KCNMA1: variants seen among roughly 807,000 people sequenced by gnomAD.
KCNMA1 encodes the protein Calcium-activated potassium channel subunit alpha-1.
In KCNMA1, 29 loss-of-function variants were observed where a neutral mutation model predicts 140.0. The observed-to-expected ratio is 0.21, with a 90% CI of 0.15 to 0.28. The LOEUF (loss-of-function observed/expected upper bound fraction) is 0.28, where lower values mean the gene tolerates loss of function less well. Among genes scored for constraint, KCNMA1 ranks in the 10% least tolerant of loss-of-function variants. The pLI, the probability that KCNMA1 is intolerant of heterozygous loss-of-function variation, is 1.00. For missense variants in KCNMA1, 880 were observed against 1,602.2 expected, an observed-to-expected ratio of 0.55 and a Z score of 7.70; for synonymous variants, 612 against 611.9, an observed-to-expected ratio of 1.00 and a Z score of 0.00.
chr10:77,571,901 A>G (rs966042753), intron 1 of KCNMA1, among the ~76,000 whole-genome samples: 2 of 152,214 alleles, frequency 1.3e-5, no homozygotes, highest in Non-Finnish European at 2.9e-5. Context: ...TAAGCTTTCA[A>G]AACTTTGAAA....
At chr10:77,531,676 A>T (rs1191881690) in intron 1 of KCNMA1, among the ~76,000 whole-genome samples, 1 of 152,212 alleles carries the variant, frequency 6.6e-6, no homozygotes, top group Non-Finnish European at 1.5e-5. Context: ...GAACACAGAA[A>T]CACCCGGCCC....
intron 1 of KCNMA1, among the ~76,000 whole-genome samples, chr10:77,414,192 C>T (rs1263485303): frequency 1.3e-5 from 2 of 152,188 alleles, no homozygotes; most frequent in African/African-American, 2.4e-5. Context: ...CTGTCTGACC[C>T]GGAGGCCTGG....
At chr10:76,953,966 T>C (rs1197395803) in intron 20 of KCNMA1, 42 bp from the exon 21 acceptor site, 2 of 1,607,728 alleles carry the variant, frequency 1.2e-6, no homozygotes, top group Non-Finnish European at 1.7e-6. Context: ...GAAAATGTGA[T>C]AAATTATAAA....
intron 23 of KCNMA1, 63 bp from the exon 24 acceptor site, chr10:76,915,112 G>C (rs2052234240): frequency 1.7e-6 from 2 of 1,175,316 alleles, no homozygotes; most frequent in Non-Finnish European, 2.6e-6. Context: ...GAAATAATCA[G>C]AGTACACTAT....
intron 1 of KCNMA1, chr10:77,636,158 G>A (rs2154571858): frequency 2.2e-6 from 3 of 1,380,668 alleles, no homozygotes; most frequent in East Asian, 2.6e-5. Context: ...AAGTCCCCTA[G>A]GATGGGAATT....
intron 3 of KCNMA1, among the ~76,000 whole-genome samples, chr10:77,190,404 T>C (rs34387105): frequency 0.31 from 46,747 of 151,852 alleles, 7,610 homozygotes; most frequent in Non-Finnish European, 0.35. Flanking sequence ...AGATATCCAA[T>C]CAAGACCCTG....
intron 6 of KCNMA1, 29 bp from the exon 7 acceptor site, chr10:77,112,471 C>T (rs773234779): frequency 6.3e-7 from 1 of 1,583,964 alleles, no homozygotes; most frequent in Non-Finnish European, 8.7e-7. Context: ...GCAAAATCCC[C>T]ACGTTACCAA....
chr10:77,203,462 C>A (rs539436325), intron 3 of KCNMA1, among the ~76,000 whole-genome samples: 1 of 152,268 alleles, frequency 6.6e-6, no homozygotes, highest in African/African-American at 2.4e-5. Context: ...CCAGAGGTAA[C>A]TGAACCTTTT....
At chr10:77,592,158 C>CA (rs142897310) in intron 1 of KCNMA1, among the ~76,000 whole-genome samples, 1,522 of 150,812 alleles carry the variant, frequency 0.01, 12 homozygotes, top group Middle Eastern at 0.017. Context: ...ATAAATAAAA[C>CA]AAAAAAAAAC....
chr10:77,171,400 CGTGTGTGTGTGTGTGTGT>C (rs60927086), intron 5 of KCNMA1, among the ~76,000 whole-genome samples: 2 of 128,932 alleles, frequency 1.6e-5, no homozygotes, highest in East Asian at 2.0e-4. Context: ...TGTGTGTGTG[CGTGTGTGTGTGTGTGTGT>C]GTGTGTGTGT....
chr10:77,581,640 G>T (rs2075919289), intron 1 of KCNMA1, among the ~76,000 whole-genome samples: 1 of 152,198 alleles, frequency 6.6e-6, no homozygotes, highest in Non-Finnish European at 1.5e-5. Context: ...AGGACAAACA[G>T]TTGGTGGCCT....
At chr10:77,128,237 C>T (rs1249682249) in intron 5 of KCNMA1, among the ~76,000 whole-genome samples, 1 of 151,896 alleles carries the variant, frequency 6.6e-6, no homozygotes, top group African/African-American at 2.4e-5. Context: ...TATCTCCCAC[C>T]GTTCGTCATT....
chr10:76,953,072 T>A (rs1334483923), intron 21 of KCNMA1, among the ~76,000 whole-genome samples: 1 of 152,216 alleles, frequency 6.6e-6, no homozygotes, highest in Non-Finnish European at 1.5e-5. Context: ...TGGGAGAGAC[T>A]GGGTGAGCCC....
chr10:77,017,737 T>A (rs2092322315), intron 17 of KCNMA1, among the ~76,000 whole-genome samples: 1 of 152,180 alleles, frequency 6.6e-6, no homozygotes, highest in Non-Finnish European at 1.5e-5. Flanking sequence ...AGGCAAATAA[T>A]TAAGAGTGCA....
At chr10:77,158,545 C>A (rs1201533158) in intron 5 of KCNMA1, among the ~76,000 whole-genome samples, 2 of 152,140 alleles carry the variant, frequency 1.3e-5, no homozygotes, top group Non-Finnish European at 2.9e-5. Flanking sequence ...TAGTCCCCCC[C>A]TCCATGATTC....
At chr10:77,248,874 C>T (rs1010825568) in intron 3 of KCNMA1, among the ~76,000 whole-genome samples, 2 of 152,134 alleles carry the variant, frequency 1.3e-5, no homozygotes, top group African/African-American at 4.8e-5. Flanking sequence ...CCGTCTTTCC[C>T]AAGGAAGATG....
chr10:77,469,726 G>A (rs995023772), intron 1 of KCNMA1, among the ~76,000 whole-genome samples: 1 of 152,194 alleles, frequency 6.6e-6, no homozygotes, highest in African/African-American at 2.4e-5. Flanking sequence ...AACCTGTATG[G>A]CATGGTAATT....
At chr10:77,511,471 A>C (rs772843780) in intron 1 of KCNMA1, among the ~76,000 whole-genome samples, 2 of 152,228 alleles carry the variant, frequency 1.3e-5, no homozygotes, top group Non-Finnish European at 2.9e-5. Flanking sequence ...CACGTTTGCA[A>C]GTCCCAGATC....
chr10:77,043,033 C>T (rs2094829047), intron 14 of KCNMA1, among the ~76,000 whole-genome samples: 1 of 152,172 alleles, frequency 6.6e-6, no homozygotes, highest in Non-Finnish European at 1.5e-5. Flanking sequence ...TTTTCCATAT[C>T]TTTTTTCCTG....
Sources: allele counts gnomAD v4.1 joint callset (sites outside exome capture counted in the v4.1 genomes callset), GRCh38; gene constraint gnomAD v4.1.1; transcripts MANE v1.5; gene names NCBI Gene and HGNC (gene_info 2026-07-23, HGNC 2026-07-21).